The following SLC25A47 variants were observed in gnomAD, a reference collection of about 807,000 sequenced individuals.
SLC25A47 encodes HCC-down-regulated mitochondrial carrier protein.
SLC25A47 carries 30 observed loss-of-function variants against 29.8 expected under a neutral mutation model. That is an observed-to-expected ratio of 1.01 (90% CI 0.75 to 1.36). SLC25A47 has a LOEUF of 1.36. Among genes scored for constraint, SLC25A47 ranks in the 40% most tolerant of loss-of-function variants. The probability of loss-of-function intolerance (pLI) is 0.00; values close to 1 mark genes in which losing one functional copy is unlikely to be tolerated. For missense variants in SLC25A47, 430 were observed against 441.9 expected, an observed-to-expected ratio of 0.97 and a Z score of 0.24; for synonymous variants, 204 against 197.8, an observed-to-expected ratio of 1.03 and a Z score of -0.26.
Position 100,323,370 on chromosome 14 carries a change from C to G in SLC25A47, c.-45C>G. 13 of 1,611,368 alleles carry G rather than the reference C, an allele frequency of 8.1e-6. No homozygotes were observed. The highest frequency in any genetic ancestry group is 1.0e-5 in the Non-Finnish European group (12 of 1,179,208). ...GAGGCCACCCTGGTGGCACCAAAGC[C>G]CTCTCAGGCAGGCAGACCCAGGGCC... On this transcript the variant is annotated 5_prime_UTR_variant, in exon 1 of 6. Transcript: ENST00000361529.
rs373448369 is a variant in SLC25A47, at chr14:100,329,357, C to G, written c.647-8C>G. The G allele has an allele frequency of 1.0e-5, 16 of 1,589,950 alleles. No homozygotes were observed. The South Asian group carries it at 1.7e-4, about 17-fold the overall frequency. On this transcript the variant is annotated splice_polypyrimidine_tract_variant and splice_region_variant and intron_variant, in intron 5 of 5. Coordinates refer to ENST00000361529, the MANE Select transcript of SLC25A47 (RefSeq NM_207117.4). ...GCTCCCAGTCAAGGCACTGTGGTCT[C>G]TCTGCAGATGTCCCGGGCGTGCTGG...
At position 100,330,310 on chromosome 14, in the gene SLC25A47, C is replaced by A. The variant is rs1266464311; in HGVS notation, c.*665C>A. 6.5e-6 allele frequency: 1 copy of A among 153,420 alleles called. No homozygotes were observed. Among genetic ancestry groups the A allele is most frequent in the Non-Finnish European group, 1.5e-5 (1 of 68,924 alleles). 9.5% of individuals were successfully genotyped at this position (153,420 alleles called of 1,614,324 possible). A position where few individuals can be genotyped will look rare whatever the true frequency, so the allele number is the denominator to read the frequency against. The stretch of plus-strand genomic sequence containing the variant: ...CCTCACTCTGCCTGTGGACGCTGCA[C>A]CTGCCACTTAAAGACCCCAAAGACT... On this transcript the variant is annotated 3_prime_UTR_variant, in exon 6 of 6. Transcript: ENST00000361529.
At chr14:100,328,251 A>G (rs1487517763) in intron 4 of SLC25A47, among the ~76,000 whole-genome samples, 1 of 151,856 alleles carries the variant, frequency 6.6e-6, no homozygotes, top group Non-Finnish European at 1.5e-5. Context: ...AGCTGGGACT[A>G]CAGGCACGCG....
chr14:100,323,434 C>G lies in SLC25A47; in HGVS notation c.20C>G (p.Ala7Gly). Residue 7 changes from alanine to glycine, a missense_variant, in exon 1 of 6, where the codon GCC becomes GGC. Transcript: ENST00000361529. ...TTGTTCATGGATTTTGTCGCTGGAG[C>G]CATCGGAGGTAACAGACAGGATGGT... MDFVAGAIGGVCGVAVG... is the reference protein window; with the variant it reads MDFVAGGIGGVCGVAVG... 6.2e-7 allele frequency: 1 copy of G among 1,613,776 alleles called. No individual in the cohort carries two copies. The highest frequency in any genetic ancestry group is 8.5e-7 in the Non-Finnish European group (1 of 1,179,870).
rs1450966845 is a variant in SLC25A47, at chr14:100,329,635, T to A, written c.917T>A (p.Leu306Gln). 1 of 1,610,438 alleles carries A rather than the reference T, an allele frequency of 6.2e-7. No individual in the cohort carries two copies. The highest frequency in any genetic ancestry group is 8.5e-7 in the Non-Finnish European group (1 of 1,178,342). ...GCAGTGCTGAGGCTCGCCCGGGGTCTGCTCACATAGCCGGTCCCCACGCCC... is the reference window on the plus strand; with the variant it reads ...GCAGTGCTGAGGCTCGCCCGGGGTCAGCTCACATAGCCGGTCCCCACGCCC... ...YEAVLRLARG[L>Q]LT Residue 306 changes from leucine to glutamine, a missense_variant, in exon 6 of 6, where the codon CTG becomes CAG. Coordinates refer to ENST00000361529, the MANE Select transcript of SLC25A47 (RefSeq NM_207117.4).
chr14:100,330,042 C>T lies in SLC25A47; in HGVS notation c.*397C>T, dbSNP rs546432756. ...TGCCCCATTCCTAGACCCTCACCCC[C>T]ACCACTGTTCCTGTGTCTTCACGAG... On this transcript the variant is annotated 3_prime_UTR_variant, in exon 6 of 6. Coordinates refer to ENST00000361529, the MANE Select transcript of SLC25A47 (RefSeq NM_207117.4). 1.3e-5 allele frequency: 3 copies of T among 231,908 alleles called. No individual in the cohort carries two copies. In the Admixed American group the frequency reaches 1.5e-4, roughly 12 times the overall value. The allele number at this position is 231,908 out of a possible 1,614,324, so 14.4% of individuals were successfully genotyped here. A position where few individuals can be genotyped will look rare whatever the true frequency, so the allele number is the denominator to read the frequency against.
intron 3 of SLC25A47, among the ~76,000 whole-genome samples, chr14:100,326,740 G>A (rs1893345752): frequency 1.3e-5 from 2 of 152,188 alleles, no homozygotes; most frequent in South Asian, 2.1e-4. Context: ...TTGGGAGGCC[G>A]AAGCAGGCAG....
chr14:100,326,214 T>C lies in SLC25A47; in HGVS notation c.130T>C (p.Tyr44His), dbSNP rs1328290687. Reference protein sequence around the residue: ...TGIWHCVRDTYHRERVWGFYR... With the variant: ...TGIWHCVRDTHHRERVWGFYR... ...CATCTGGCACTGCGTCCGGGATACG[T>C]ATCACCGAGAGCGCGTAGGTCTGGG... is the stretch of plus-strand genomic sequence containing the variant. Residue 44 changes from tyrosine (Y) to histidine (H), a missense_variant, in exon 3 of 6, where the codon TAT becomes CAT. Physicochemically the swap from Tyr to His is moderately conservative, Grantham distance 83 (BLOSUM62 2). Transcript: ENST00000361529. 2.5e-6 allele frequency: 4 copies of C among 1,613,554 alleles called. No homozygotes were observed. Among genetic ancestry groups the C allele is most frequent in the Middle Eastern group, 1.6e-4 (1 of 6,062 alleles).
chr14:100,329,571 G>T lies in SLC25A47; in HGVS notation c.853G>T (p.Ala285Ser). 2 of 1,613,654 alleles carry T rather than the reference G, an allele frequency of 1.2e-6. No individual in the cohort carries two copies. Among genetic ancestry groups the T allele is most frequent in the Non-Finnish European group, 1.7e-6 (2 of 1,180,014 alleles). Residue 285 changes from alanine (A) to serine (S), a missense_variant, in exon 6 of 6, where the codon GCC (alanine) becomes TCC (serine). Ala to Ser is a moderately conservative substitution (Grantham distance 99). Coordinates refer to ENST00000361529, the MANE Select transcript of SLC25A47 (RefSeq NM_207117.4). ...FKGLVLNCCR[A>S]FPVNMVVFVA... is the part of the protein sequence containing the mutation. ...GGGGCTGGTACTCAATTGCTGCCGC[G>T]CCTTCCCTGTCAACATGGTGGTCTT... is the stretch of plus-strand genomic sequence containing the variant.
At chr14:100,324,562 G>A (rs937554311) in intron 1 of SLC25A47, among the ~76,000 whole-genome samples, 14 of 152,200 alleles carry the variant, frequency 9.2e-5, no homozygotes, top group Non-Finnish European at 8.8e-5. Context: ...CTAGGTGCCA[G>A]CCTGGGGCCA....
intron 3 of SLC25A47, 25 bp from the exon 4 acceptor site, chr14:100,327,163 G>T (rs1318456351): frequency 1.9e-6 from 3 of 1,582,458 alleles, no homozygotes; most frequent in Non-Finnish European, 2.6e-6. Context: ...CGGGGCCCTA[G>T]CCTGACCTGG....
chr14:100,329,694 T>C lies in SLC25A47; in HGVS notation c.*49T>C. 6.4e-7 allele frequency: 1 copy of C among 1,570,262 alleles called. No individual in the cohort carries two copies. Among genetic ancestry groups the C allele is most frequent in the Non-Finnish European group, 8.6e-7 (1 of 1,159,018 alleles). Reference sequence around the variant, plus strand: ...ACCCACCAGCAGCTGCTGGAGGTCGTAGTGGCTGGAGGAGGCAAGGGGTAG... The same window carrying C: ...ACCCACCAGCAGCTGCTGGAGGTCGCAGTGGCTGGAGGAGGCAAGGGGTAG... On this transcript the variant is annotated 3_prime_UTR_variant, in exon 6 of 6. Coordinates refer to ENST00000361529, the MANE Select transcript of SLC25A47 (RefSeq NM_207117.4).
At chr14:100,325,674 G>A in intron 1 of SLC25A47, 114 bp from the exon 2 acceptor site, 1 of 1,072,006 alleles carries the variant, frequency 9.3e-7, no homozygotes, top group Non-Finnish European at 1.3e-6. Flanking sequence ...CCAAATGTGG[G>A]TCTGCCCTTG....
Position 100,323,559 on chromosome 14 carries a change from C to A in SLC25A47, c.28+117C>A, listed in dbSNP as rs566133769. 4 of 1,191,824 alleles carry A rather than the reference C, an allele frequency of 3.4e-6. No individual in the cohort carries two copies. The South Asian group carries it at 3.9e-5, about 12-fold the overall frequency. The allele number at this position is 1,191,824 out of a possible 1,614,324, so 73.8% of individuals were successfully genotyped here. On this transcript the variant is annotated intron_variant, in intron 1 of 5. Transcript: ENST00000361529. ...GGGCTTTGAGGAGCCCCTCACCCCCCAGGATCTGCCAGGAGCAGAGAGCAG... is the reference window on the plus strand; with the variant it reads ...GGGCTTTGAGGAGCCCCTCACCCCCAAGGATCTGCCAGGAGCAGAGAGCAG...
Position 100,327,519 on chromosome 14 carries a change from G to C in SLC25A47, c.327+149G>C. On this transcript the variant is annotated intron_variant, in intron 4 of 5. Coordinates refer to ENST00000361529, the MANE Select transcript of SLC25A47 (RefSeq NM_207117.4). ...GTCAGGGGCTGTGGGAGAAGAACTC[G>C]CATCCCGCCTAGGCTGGGCCTGGAA... is the stretch of plus-strand genomic sequence containing the variant. 3 of 926,506 alleles carry C rather than the reference G, an allele frequency of 3.2e-6. No individual in the cohort carries two copies. In the South Asian group the frequency reaches 5.3e-5, roughly 16 times the overall value. The allele number at this position is 926,506 out of a possible 1,614,324, so 57.4% of individuals were successfully genotyped here.
chr14:100,328,887 G>T lies in SLC25A47; in HGVS notation c.489G>T (p.Leu163=). The change falls in exon 5 of 6, where the codon CTG becomes CTT. Residue 163 remains leucine, a synonymous_variant. Transcript: ENST00000361529. ...ACPEPKYRGP[L]HCLATVAREE... ...CAGAGCCCAAGTACCGCGGGCCACT[G>T]CACTGCCTGGCCACGGTAGCCCGTG... The T allele has an allele frequency of 6.2e-7, 1 of 1,611,562 alleles. No individual in the cohort carries two copies. Among genetic ancestry groups the T allele is most frequent in the Non-Finnish European group, 8.5e-7 (1 of 1,179,796 alleles).
At chr14:100,326,946 C>T (rs532077135) in intron 3 of SLC25A47, among the ~76,000 whole-genome samples, 42 of 152,012 alleles carry the variant, frequency 2.8e-4, no homozygotes, top group South Asian at 1.9e-3. Flanking sequence ...TGCACTCCAG[C>T]CTGGGCAAAA....
chr14:100,328,690 A>G, intron 4 of SLC25A47, 36 bp from the exon 5 acceptor site: 1 of 1,605,372 alleles, frequency 6.2e-7, no homozygotes, highest in Non-Finnish European at 8.5e-7. Context: ...GGGCAGAGCC[A>G]CAGGTGGCTG....
At chr14:100,325,755 T>C in intron 1 of SLC25A47, 33 bp from the exon 2 acceptor site, 3 of 1,607,998 alleles carry the variant, frequency 1.9e-6, no homozygotes, top group Non-Finnish European at 2.5e-6. Flanking sequence ...CCGGCCCCAC[T>C]CTCCTCACCG....
Sources: gnomAD v4.1 joint callset for allele counts (sites outside exome capture counted in the v4.1 genomes callset) on GRCh38, gnomAD v4.1.1 for gene constraint, MANE v1.5 for transcripts, NCBI Gene and HGNC (gene_info 2026-07-23, HGNC 2026-07-21) for gene names.